The following BIRC2 variants were observed in gnomAD, a reference collection of about 807,000 sequenced individuals.
The protein encoded by BIRC2 is baculoviral IAP repeat containing 2.
In BIRC2, 18 loss-of-function variants were observed where a neutral mutation model predicts 60.9. The ratio of observed to expected loss-of-function variants is 0.30; its 90% CI spans 0.20 to 0.44. The LOEUF is 0.44. Among genes scored for constraint, BIRC2 ranks in the 20% least tolerant of loss-of-function variants. The probability of loss-of-function intolerance (pLI) is 1.00; values close to 1 mark genes in which losing one functional copy is unlikely to be tolerated. For missense variants in BIRC2, 701 were observed against 728.5 expected, an observed-to-expected ratio of 0.96 and a Z score of 0.43; for synonymous variants, 282 against 247.7, an observed-to-expected ratio of 1.14 and a Z score of -1.30.
chr11:102,357,744 G>A (rs1005680867), intron 3 of BIRC2, among the ~76,000 whole-genome samples: 1 of 151,704 alleles, frequency 6.6e-6, no homozygotes, highest in East Asian at 1.9e-4. Context: ...TAGTTTTAGT[G>A]GTCTTTTCTA....
intron 5 of BIRC2, among the ~76,000 whole-genome samples, chr11:102,366,718 C>G (rs1269190788): frequency 6.6e-6 from 1 of 152,150 alleles, no homozygotes; most frequent in Non-Finnish European, 1.5e-5. Context: ...TGTCTAACAT[C>G]CTAACAAGTC....
chr11:102,359,638 T>A (rs541485705), intron 3 of BIRC2, among the ~76,000 whole-genome samples: 1 of 152,332 alleles, frequency 6.6e-6, no homozygotes, highest in African/African-American at 2.4e-5. Context: ...GTTTTGTCTT[T>A]CAGCACTTTG....
At chr11:102,367,421 TC>T (rs1490227660) in intron 5 of BIRC2, among the ~76,000 whole-genome samples, 1 of 152,198 alleles carries the variant, frequency 6.6e-6, no homozygotes, top group Non-Finnish European at 1.5e-5. Flanking sequence ...TAGAGCTCAT[TC>T]CTTGTTATTT....
At chr11:102,369,517 G>T (rs1372427106) in intron 6 of BIRC2, among the ~76,000 whole-genome samples, 2 of 149,826 alleles carry the variant, frequency 1.3e-5, no homozygotes, top group African/African-American at 2.4e-5. Flanking sequence ...TGGCTGCATA[G>T]TATTCCATGG....
intron 6 of BIRC2, among the ~76,000 whole-genome samples, chr11:102,369,321 C>T (rs1430336072): frequency 8.4e-6 from 1 of 119,068 alleles, no homozygotes; most frequent in Admixed American, 9.0e-5. Context: ...CCCCTCCCCC[C>T]ACCCCACCAC....
intron 6 of BIRC2, among the ~76,000 whole-genome samples, chr11:102,376,549 A>T (rs1392869777): frequency 6.6e-6 from 1 of 152,208 alleles, no homozygotes; most frequent in Non-Finnish European, 1.5e-5. Context: ...AATTTTTTTG[A>T]AAGTCTGAAA....
In BIRC2 at chr11:102,350,138, T is replaced by C. The variant is rs762878653; in HGVS notation, c.284T>C (p.Leu95Pro). The change falls in exon 2 of 9, where the codon CTA becomes CCA. Residue 95 changes from leucine to proline, a missense_variant. Transcript: ENST00000227758. ...GGCCTGATGCTGGATAACTGGAAAC[T>C]AGGAGACAGTCCTATTCAAAAGCAT... ...CCGLMLDNWK[L>P]GDSPIQKHKQ... 6.2e-7 allele frequency: 1 copy of C among 1,614,236 alleles called. No homozygotes were observed. Among genetic ancestry groups the C allele is most frequent in the South Asian group, 1.1e-5 (1 of 91,088 alleles).
intron 3 of BIRC2, among the ~76,000 whole-genome samples, chr11:102,353,037 A>G (rs1235105180): frequency 6.6e-6 from 1 of 152,170 alleles, no homozygotes; most frequent in Non-Finnish European, 1.5e-5. Context: ...TGACTAAATT[A>G]TTAATTATGT....
intron 6 of BIRC2, among the ~76,000 whole-genome samples, chr11:102,374,908 C>T (rs955067946): frequency 2.0e-5 from 3 of 152,210 alleles, no homozygotes; most frequent in Middle Eastern, 3.2e-3. Flanking sequence ...GCGCAATATT[C>T]GGGTGGGAGT....
Position 102,363,675 on chromosome 11 carries a change from C to T in BIRC2, c.1082C>T (p.Ser361Leu), listed in dbSNP as rs763264607. 7 of 1,611,682 alleles carry T rather than the reference C, an allele frequency of 4.3e-6. No individual in the cohort carries two copies. The East Asian group carries it at 1.6e-4, about 36-fold the overall frequency. Reference sequence around the variant, plus strand: ...TTTTCTCTTGTTTCATAGCTGTTGTCAACTTCAGATACCACTGGAGAAGAA... The same window carrying T: ...TTTTCTCTTGTTTCATAGCTGTTGTTAACTTCAGATACCACTGGAGAAGAA... ...RYPHLLEQLLSTSDTTGEENA... is the reference protein window; with the variant it reads ...RYPHLLEQLLLTSDTTGEENA... The change falls in exon 5 of 9, where the codon TCA becomes TTA. Residue 361 changes from serine to leucine, a missense_variant. Physicochemically the swap from Ser to Leu is moderately radical, Grantham distance 145. This residue lies in a region of BIRC2 where 39 missense variants were observed against 69.8 expected (regional missense o/e 0.56). Transcript: ENST00000227758.
chr11:102,365,804 G>C (rs1469491486), intron 5 of BIRC2, among the ~76,000 whole-genome samples: 1 of 151,850 alleles, frequency 6.6e-6, no homozygotes, highest in African/African-American at 2.4e-5. Flanking sequence ...TGTTGCCCAG[G>C]CTGGTCTCAA....
intron 3 of BIRC2, among the ~76,000 whole-genome samples, chr11:102,354,719 G>T (rs1951401501): frequency 6.6e-6 from 1 of 152,132 alleles, no homozygotes; most frequent in South Asian, 2.1e-4. Context: ...AATGGTCAAG[G>T]GTTCCCTTTT....
intron 6 of BIRC2, 99 bp downstream of exon 6, chr11:102,368,647 T>C: frequency 6.7e-7 from 1 of 1,482,646 alleles, no homozygotes; most frequent in Non-Finnish European, 9.1e-7. Flanking sequence ...ATCCACTAAC[T>C]GCTGGTAGCA....
At chr11:102,361,430 G>A (rs1000454404) in intron 3 of BIRC2, among the ~76,000 whole-genome samples, 1 of 152,100 alleles carries the variant, frequency 6.6e-6, no homozygotes, top group Non-Finnish European at 1.5e-5. Flanking sequence ...GGGCATATGT[G>A]GGGGTTAGGG....
At chr11:102,373,158 T>A (rs2135822866) in intron 6 of BIRC2, among the ~76,000 whole-genome samples, 1 of 151,748 alleles carries the variant, frequency 6.6e-6, no homozygotes, top group Non-Finnish European at 1.5e-5. Flanking sequence ...GAGCATTTAG[T>A]CCATTTACAT....
Position 102,350,685 on chromosome 11 carries a change from G to C in BIRC2, c.831G>C (p.Met277Ile). 1.2e-6 allele frequency: 2 copies of C among 1,613,494 alleles called. No homozygotes were observed. The highest frequency in any genetic ancestry group is 1.7e-6 in the Non-Finnish European group (2 of 1,179,912). ...QTHAARMRTF[M>I]YWPSSVPVQP... ...ATGCAGCTCGAATGAGAACATTTATGTACTGGCCATCTAGTGTTCCAGTTC... is the reference window on the plus strand; with the variant it reads ...ATGCAGCTCGAATGAGAACATTTATCTACTGGCCATCTAGTGTTCCAGTTC... Residue 277 changes from methionine to isoleucine, a missense_variant, in exon 2 of 9, where the codon ATG becomes ATC. Met to Ile is a conservative substitution (Grantham distance 10). Around this residue, in one of 4 missense-constraint regions of BIRC2, gnomAD observed 375 missense variants for 365.9 expected, o/e 1.02. Transcript: ENST00000227758.
intron 3 of BIRC2, among the ~76,000 whole-genome samples, chr11:102,362,020 C>T (rs1245906410): frequency 6.6e-6 from 1 of 152,046 alleles, no homozygotes; most frequent in Non-Finnish European, 1.5e-5. Context: ...CTTTTCATTT[C>T]TTTAACATTG....
At chr11:102,356,929 C>G (rs1951429753) in intron 3 of BIRC2, among the ~76,000 whole-genome samples, 1 of 152,040 alleles carries the variant, frequency 6.6e-6, no homozygotes, top group Non-Finnish European at 1.5e-5. Flanking sequence ...CTTGGCCTCC[C>G]AAACTGCTGG....
chr11:102,377,157 A>C (rs768206444), intron 6 of BIRC2, among the ~76,000 whole-genome samples: 20 of 152,332 alleles, frequency 1.3e-4, no homozygotes, highest in Middle Eastern at 6.8e-3. Flanking sequence ...ACAAATTACT[A>C]TGAAAGTGCT....
Sources: gnomAD v4.1 joint callset for allele counts (sites outside exome capture counted in the v4.1 genomes callset) on GRCh38, gnomAD v4.1.1 for gene constraint, gnomAD v4.1.1 regional missense constraint, MANE v1.5 for transcripts, NCBI Gene and HGNC (gene_info 2026-07-23, HGNC 2026-07-21) for gene names.